Variants in PCDHA8 observed in about 807,000 individuals in gnomAD.
PCDHA8 encodes protocadherin alpha 8.
A neutral mutation model predicts 61.8 loss-of-function variants in PCDHA8; 53 were observed. The ratio of observed to expected loss-of-function variants is 0.86; its 90% CI spans 0.69 to 1.08. PCDHA8 has a LOEUF of 1.08. Ranked by LOEUF, PCDHA8 falls within the 50% of genes least tolerant of loss-of-function variation. PCDHA8 has a pLI of 0.00. For synonymous variants in PCDHA8, 618 were observed against 556.6 expected (o/e 1.11, Z -1.55); for missense variants, 1,293 against 1,245.0 (o/e 1.04, Z -0.58).
chr5:140,917,746 G>T (rs1200600528), intron 1 of PCDHA8, among the ~76,000 whole-genome samples: 2 of 152,122 alleles, frequency 1.3e-5, no homozygotes, highest in Non-Finnish European at 2.9e-5. Context: ...CTGTCCCATT[G>T]GTCTATGTGT....
intron 3 of PCDHA8, among the ~76,000 whole-genome samples, chr5:140,992,036 TG>T (rs2097488420): frequency 6.6e-6 from 1 of 151,818 alleles, no homozygotes; most frequent in African/African-American, 2.4e-5. Flanking sequence ...TGTGTGTGTG[TG>T]TGTGTGTGTG....
chr5:140,869,430 C>G (rs73793507), intron 1 of PCDHA8: 1 of 1,614,036 alleles, frequency 6.2e-7, no homozygotes, highest in African/African-American at 1.3e-5. Context: ...TGGAGGTGAT[C>G]GTGGACAGGC....
intron 1 of PCDHA8, among the ~76,000 whole-genome samples, chr5:140,881,694 G>C (rs1375930995): frequency 6.6e-6 from 1 of 152,126 alleles, no homozygotes; most frequent in Non-Finnish European, 1.5e-5. Flanking sequence ...TCCTTTTGGA[G>C]TCAATGGCTG....
chr5:141,007,653 C>T (rs373127730), intron 3 of PCDHA8, among the ~76,000 whole-genome samples: 1 of 152,126 alleles, frequency 6.6e-6, no homozygotes, highest in African/African-American at 2.4e-5. Context: ...GCCTAAAAAA[C>T]CATAAATTTA....
chr5:140,849,832 C>G lies in PCDHA8; in HGVS notation c.2394+6117C>G. The G allele has an allele frequency of 6.3e-7, 1 of 1,598,398 alleles. No individual in the cohort carries two copies. The highest frequency in any genetic ancestry group is 1.1e-5 in the South Asian group (1 of 90,532). On this transcript the variant is annotated intron_variant, in intron 1 of 3. Coordinates refer to ENST00000531613, the MANE Select transcript of PCDHA8 (RefSeq NM_018911.3). ...ACGGCCAGGGTGTCTGTGGAGGTGGCCGACGTGAACGACAACGCACCAGCG... is the reference window on the plus strand; with the variant it reads ...ACGGCCAGGGTGTCTGTGGAGGTGGGCGACGTGAACGACAACGCACCAGCG...
intron 1 of PCDHA8, among the ~76,000 whole-genome samples, chr5:140,953,471 C>T (rs554082808): frequency 3.9e-5 from 6 of 152,074 alleles, no homozygotes; most frequent in Non-Finnish European, 7.4e-5. Flanking sequence ...TTTTAACTTC[C>T]TCATGCTGTG....
At chr5:140,968,041 C>T (rs1554230247) in intron 1 of PCDHA8, 1 of 1,614,140 alleles carries the variant, frequency 6.2e-7, no homozygotes, top group Non-Finnish European at 8.5e-7. Context: ...TGGTGAGCGG[C>T]CCACTGGACC....
rs191954731 is a variant in PCDHA8 at position 140,913,936 on chromosome 5, A to G, written c.2395-65013A>G. Among the ~76,000 whole-genome samples the G allele has an allele frequency of 7.5e-3, 1,149 of 152,268 alleles. 4 individuals are homozygous for G. Among genetic ancestry groups the G allele is most frequent in the Admixed American group, 0.013 (194 of 15,286 alleles). ...AATTTTACTTCATTGTGGTCAGAGA[A>G]GAATCTTGATATGATATCATTTTTA... On this transcript the variant is annotated intron_variant, in intron 1 of 3. Transcript: ENST00000531613.
intron 1 of PCDHA8, among the ~76,000 whole-genome samples, chr5:140,885,181 T>A (rs561922365): frequency 6.6e-6 from 1 of 152,330 alleles, no homozygotes; most frequent in African/African-American, 2.4e-5. Flanking sequence ...TCTAGGCACA[T>A]CAGTGTTCCC....
At chr5:140,850,686 G>C (rs2150493966) in intron 1 of PCDHA8, 4 of 1,598,520 alleles carry the variant, frequency 2.5e-6, no homozygotes, top group Non-Finnish European at 3.4e-6. Flanking sequence ...CACCGAGGGC[G>C]AGTGCGCGCC....
At chr5:140,865,398 G>T (rs1554159421) in intron 1 of PCDHA8, 1 of 152,138 alleles carries the variant, frequency 6.6e-6, no homozygotes, top group African/African-American at 2.4e-5. Flanking sequence ...TAATATAAAT[G>T]CTGAAAAGGA....
At chr5:140,844,014 G>A (rs2150368262) in intron 1 of PCDHA8, among the ~76,000 whole-genome samples, 4 of 149,646 alleles carry the variant, frequency 2.7e-5, no homozygotes, top group Admixed American at 2.0e-4. Context: ...CTCTAAGGAC[G>A]TTCAGGGCAT....
rs374159724 is a variant in PCDHA8 at position 140,856,795 on chromosome 5, G to T, written c.2394+13080G>T. The T allele has an allele frequency of 2.1e-5, 34 of 1,595,942 alleles. 4 individuals are homozygous for T. Among genetic ancestry groups the T allele is most frequent in the Non-Finnish European group, 2.7e-5 (32 of 1,165,996 alleles). ...TTGACAGACCGGTTTATGAAGTTAA[G>T]ATGTATGAAAATCAAGTGAACCAAA... On this transcript the variant is annotated intron_variant, in intron 1 of 3. Transcript: ENST00000531613.
Position 141,009,998 on chromosome 5 carries a change from T to A in PCDHA8, c.*61T>A. On this transcript the variant is annotated 3_prime_UTR_variant, in exon 4 of 4. Transcript: ENST00000531613. ...TTGTAATAATGGCAAATCTCTCCCA[T>A]GTAGCAATTCCCTGCTCCTTTTTCC... 1 of 1,575,994 alleles carries A rather than the reference T, an allele frequency of 6.3e-7. No individual in the cohort carries two copies. Among genetic ancestry groups the A allele is most frequent in the Non-Finnish European group, 8.6e-7 (1 of 1,164,944 alleles).
chr5:140,877,465 G>A, intron 1 of PCDHA8: 1 of 1,613,856 alleles, frequency 6.2e-7, no homozygotes, highest in Non-Finnish European at 8.5e-7. Context: ...CACGGCCACG[G>A]TGCTGGTGTC....
intron 3 of PCDHA8, among the ~76,000 whole-genome samples, chr5:140,986,303 A>G (rs2097193977): frequency 6.6e-6 from 1 of 152,166 alleles, no homozygotes; most frequent in South Asian, 2.1e-4. Context: ...CAGAGAGAGA[A>G]AATTAGCTAA....
Position 140,843,393 on chromosome 5 carries a change from C to T in PCDHA8, c.2072C>T (p.Ala691Val). ...TCGGCTGGCGTTTTGGGTCCGGAAG[C>T]GGCGCTGGTGGATGTCAACGTGTAC... ...RQSAGVLGPE[A>V]ALVDVNVYLI... Residue 691 changes from alanine to valine, a missense_variant, in exon 1 of 4, where the codon GCG becomes GTG. By Grantham distance (64) the Ala-to-Val change is moderately conservative. Coordinates refer to ENST00000531613, the MANE Select transcript of PCDHA8 (RefSeq NM_018911.3). The T allele has an allele frequency of 1.9e-6, 3 of 1,596,052 alleles. 1 individual carries two copies. Among genetic ancestry groups the T allele is most frequent in the South Asian group, 2.2e-5 (2 of 90,510 alleles).
chr5:140,966,454 C>A (rs897696652), intron 1 of PCDHA8: 2 of 426,524 alleles, frequency 4.7e-6, no homozygotes, highest in Non-Finnish European at 8.1e-6. Flanking sequence ...TCCCCCTCCC[C>A]CTCTGTCTTC....
intron 1 of PCDHA8, chr5:140,883,741 C>T (rs2153397240): frequency 6.2e-7 from 1 of 1,613,386 alleles, no homozygotes; most frequent in Non-Finnish European, 8.5e-7. Context: ...CGCTGGTCTC[C>T]TACTCGCTGG....
Sources: gnomAD v4.1 joint callset for allele counts (sites outside exome capture counted in the v4.1 genomes callset) on GRCh38, gnomAD v4.1.1 for gene constraint, MANE v1.5 for transcripts, NCBI Gene and HGNC (gene_info 2026-07-23, HGNC 2026-07-21) for gene names.